The following DPP10 variants were observed in gnomAD, a reference collection of about 807,000 sequenced individuals.
DPP10 encodes the protein dipeptidyl peptidase like 10.
Under a neutral mutation model 120.9 loss-of-function variants are expected in DPP10, and 33 were observed. The observed-to-expected ratio is 0.27, with a 90% CI of 0.21 to 0.37. DPP10 has a LOEUF of 0.37. Ranked by LOEUF, DPP10 falls within the 10% of genes least tolerant of loss-of-function variation. The pLI, the probability that DPP10 is intolerant of heterozygous loss-of-function variation, is 1.00. For missense variants in DPP10, 816 were observed against 942.8 expected (o/e 0.87, Z 1.76); for synonymous variants, 337 against 326.1 (o/e 1.03, Z -0.36).
intron 1 of DPP10, among the ~76,000 whole-genome samples, chr2:114,750,427 A>G (rs986881808): frequency 2.6e-5 from 4 of 151,670 alleles, no homozygotes; most frequent in Non-Finnish European, 5.9e-5. Context: ...TCTGCCTCCC[A>G]GGTTCACACC....
chr2:115,526,731 C>G (rs897469794), intron 5 of DPP10, among the ~76,000 whole-genome samples: 3 of 152,104 alleles, frequency 2.0e-5, no homozygotes, highest in African/African-American at 7.2e-5. Flanking sequence ...GAACTTAAGG[C>G]AGGAAGCCTC....
chr2:115,591,382 G>A (rs777730809), intron 5 of DPP10, among the ~76,000 whole-genome samples: 1 of 152,296 alleles, frequency 6.6e-6, no homozygotes, highest in Non-Finnish European at 1.5e-5. Flanking sequence ...TGGCTAGCCA[G>A]TTTTCCCAGC....
intron 5 of DPP10, among the ~76,000 whole-genome samples, chr2:115,568,126 C>T (rs1312525713): frequency 6.7e-6 from 1 of 149,836 alleles, no homozygotes; most frequent in African/African-American, 2.5e-5. Context: ...TGCAGTGAGC[C>T]GAGATTGCAC....
intron 2 of DPP10, among the ~76,000 whole-genome samples, chr2:115,315,984 G>T (rs1244596096): frequency 6.6e-6 from 1 of 152,060 alleles, no homozygotes; most frequent in Non-Finnish European, 1.5e-5. Context: ...AGCCATATGT[G>T]ATTCCCTTAG....
chr2:115,378,319 T>G (rs2065979429), intron 3 of DPP10, among the ~76,000 whole-genome samples: 1 of 142,374 alleles, frequency 7.0e-6, no homozygotes, highest in Admixed American at 7.1e-5. Flanking sequence ...GAAGCAATTG[T>G]GAATGGGAGT....
At chr2:115,543,139 C>T (rs185915167) in intron 5 of DPP10, among the ~76,000 whole-genome samples, 2 of 152,052 alleles carry the variant, frequency 1.3e-5, no homozygotes, top group East Asian at 1.9e-4. Flanking sequence ...AGAGATAGCA[C>T]CTCGTATGAA....
Position 115,587,401 on chromosome 2 carries a change from A to C in DPP10, c.441+61429A>C, listed in dbSNP as rs201080391. Among the ~76,000 whole-genome samples, 14 of 152,174 alleles carry C rather than the reference A, an allele frequency of 9.2e-5. No homozygotes were observed. The East Asian group carries it at 2.7e-3, about 29-fold the overall frequency. On this transcript the variant is annotated intron_variant, in intron 5 of 25. Transcript: ENST00000410059. ...TTTCCTACTCCTTAGCCTCTGGTAAACACCATTCTACTCTCTGCTTCTATG... is the reference window on the plus strand; with the variant it reads ...TTTCCTACTCCTTAGCCTCTGGTAACCACCATTCTACTCTCTGCTTCTATG...
chr2:115,015,794 G>A (rs1488948834), intron 1 of DPP10, among the ~76,000 whole-genome samples: 1 of 152,140 alleles, frequency 6.6e-6, no homozygotes, highest in Non-Finnish European at 1.5e-5. Flanking sequence ...ACTTATAAGG[G>A]ATGTGAAGGA....
At chr2:115,638,153 T>A (rs1159154962) in intron 5 of DPP10, among the ~76,000 whole-genome samples, 1 of 152,224 alleles carries the variant, frequency 6.6e-6, no homozygotes, top group African/African-American at 2.4e-5. Flanking sequence ...GCCTTCTGAT[T>A]CTGTGGGAAG....
chr2:114,515,509 G>A (rs1042573749), intron 1 of DPP10, among the ~76,000 whole-genome samples: 4 of 147,610 alleles, frequency 2.7e-5, no homozygotes, highest in South Asian at 2.1e-4. Flanking sequence ...AAATGCTCAC[G>A]TAGGTCTCAA....
At chr2:114,879,409 G>T (rs1272373750) in intron 1 of DPP10, among the ~76,000 whole-genome samples, 1 of 151,806 alleles carries the variant, frequency 6.6e-6, no homozygotes, top group East Asian at 1.9e-4. Flanking sequence ...TAAACCTATT[G>T]GACCAATTTA....
chr2:115,622,510 C>CTTTTTTTTTTTTTTTTTTTTTATT (rs2085029706), intron 5 of DPP10, among the ~76,000 whole-genome samples: 1 of 117,448 alleles, frequency 8.5e-6, no homozygotes, highest in Non-Finnish European at 1.7e-5. Context: ...ATTTTATTGT[C>CTTTTTTTTTTTTTTTTTTTTTATT]TTTTTTTTTT....
chr2:115,043,049 T>C (rs987273643), intron 1 of DPP10, among the ~76,000 whole-genome samples: 1 of 152,206 alleles, frequency 6.6e-6, no homozygotes, highest in African/African-American at 2.4e-5. Context: ...AGAGACATAG[T>C]ACATTTTCCC....
intron 1 of DPP10, among the ~76,000 whole-genome samples, chr2:114,720,401 C>A (rs903287472): frequency 6.6e-6 from 1 of 152,048 alleles, no homozygotes; most frequent in African/African-American, 2.4e-5. Context: ...TTTACTGCCA[C>A]GGTTGAAGGA....
At chr2:115,094,414 G>A (rs930433773) in intron 1 of DPP10, among the ~76,000 whole-genome samples, 5 of 152,008 alleles carry the variant, frequency 3.3e-5, no homozygotes, top group African/African-American at 9.7e-5. Flanking sequence ...TCTTACCTTC[G>A]GCAAACTTTC....
intron 3 of DPP10, among the ~76,000 whole-genome samples, chr2:115,475,296 C>G (rs184238799): frequency 8.1e-4 from 124 of 152,282 alleles, no homozygotes; most frequent in Non-Finnish European, 1.5e-3. Context: ...TCAACAAGGC[C>G]CAGGTACAAC....
intron 1 of DPP10, among the ~76,000 whole-genome samples, chr2:114,818,942 A>G (rs12999750): frequency 0.094 from 14,267 of 152,196 alleles, 888 homozygotes; most frequent in Non-Finnish European, 0.12. Context: ...AACTCTTATT[A>G]TCAAATGATG....
intron 1 of DPP10, among the ~76,000 whole-genome samples, chr2:114,888,440 C>T (rs771946859): frequency 6.6e-6 from 1 of 152,018 alleles, no homozygotes; most frequent in Non-Finnish European, 1.5e-5. Context: ...AAAAAGTTCA[C>T]GAATCTGTAT....
intron 1 of DPP10, among the ~76,000 whole-genome samples, chr2:114,494,871 T>C (rs982696989): frequency 3.9e-5 from 6 of 152,186 alleles, no homozygotes; most frequent in Admixed American, 6.6e-5. Context: ...GTTTAAGCCA[T>C]GAAAGAAAAG....
Sources: allele counts gnomAD v4.1 joint callset (sites outside exome capture counted in the v4.1 genomes callset), GRCh38; gene constraint gnomAD v4.1.1; transcripts MANE v1.5; gene names NCBI Gene and HGNC (gene_info 2026-07-23, HGNC 2026-07-21).